Variants in NHEJ1 observed in about 807,000 individuals in gnomAD.
NHEJ1 encodes non-homologous end joining factor 1.
A neutral mutation model predicts 39.4 loss-of-function variants in NHEJ1; 22 were observed. The observed-to-expected ratio is 0.56, with a 90% CI of 0.40 to 0.80. The LOEUF (loss-of-function observed/expected upper bound fraction) is 0.80, where lower values mean the gene tolerates loss of function less well. Ranked by LOEUF, NHEJ1 falls within the 30% of genes least tolerant of loss-of-function variation. NHEJ1 has a pLI of 0.00. For synonymous variants in NHEJ1, 154 were observed against 135.6 expected (o/e 1.14, Z -0.94); for missense variants, 329 against 357.1 (o/e 0.92, Z 0.63).
chr2:219,110,843 C>T (rs1445200906), intron 5 of NHEJ1, among the ~76,000 whole-genome samples: 1 of 152,100 alleles, frequency 6.6e-6, no homozygotes, highest in Non-Finnish European at 1.5e-5. Context: ...GGATGGAGTC[C>T]ATATGCTACT....
chr2:219,157,799 G>A (rs2106369295), intron 2 of NHEJ1, 115 bp from the exon 3 acceptor site: 1 of 833,626 alleles, frequency 1.2e-6, no homozygotes, highest in East Asian at 2.6e-5. Context: ...GAGAGGAAGG[G>A]GAGAGAAGAT....
At chr2:219,093,968 C>T (rs1949183903) in intron 5 of NHEJ1, among the ~76,000 whole-genome samples, 3 of 152,186 alleles carry the variant, frequency 2.0e-5, no homozygotes, top group African/African-American at 7.2e-5. Flanking sequence ...GGCAAGGATT[C>T]TGAGGAGAGG....
intron 5 of NHEJ1, among the ~76,000 whole-genome samples, chr2:219,097,117 G>A (rs967152910): frequency 6.6e-6 from 1 of 152,150 alleles, no homozygotes; most frequent in African/African-American, 2.4e-5. Context: ...CCCAACAGAA[G>A]GCTAATATAA....
chr2:219,127,438 G>A (rs2106348889), intron 5 of NHEJ1, among the ~76,000 whole-genome samples: 1 of 152,186 alleles, frequency 6.6e-6, no homozygotes, highest in South Asian at 2.1e-4. Context: ...CTGTCCTATT[G>A]ACCTGGGATA....
chr2:219,118,735 C>A (rs904474391), intron 5 of NHEJ1, among the ~76,000 whole-genome samples: 1 of 152,228 alleles, frequency 6.6e-6, no homozygotes, highest in Middle Eastern at 3.4e-3. Context: ...CCCTTAAACC[C>A]GCCCCAGGGA....
intron 5 of NHEJ1, among the ~76,000 whole-genome samples, chr2:219,097,604 C>T (rs183099389): frequency 3.9e-5 from 6 of 152,210 alleles, no homozygotes. Context: ...AGATTTTTAA[C>T]CTGAGCAAGT....
intron 5 of NHEJ1, among the ~76,000 whole-genome samples, chr2:219,113,295 G>A (rs1574719712): frequency 6.6e-6 from 1 of 152,252 alleles, no homozygotes; most frequent in East Asian, 1.9e-4. Context: ...CACAGGGCAA[G>A]ATGATTTGCA....
At chr2:219,137,595 A>AAAAAAAAAAAAAAAT (rs143557047) in intron 5 of NHEJ1, among the ~76,000 whole-genome samples, 2 of 82,668 alleles carry the variant, frequency 2.4e-5, no homozygotes, top group East Asian at 2.6e-4. Flanking sequence ...AAAAAAAACA[A>AAAAAAAAAAAAAAAT]AAAAAACTGA....
intron 3 of NHEJ1, among the ~76,000 whole-genome samples, chr2:219,151,696 T>C (rs1406246872): frequency 6.6e-6 from 1 of 152,006 alleles, no homozygotes; most frequent in African/African-American, 2.4e-5. Flanking sequence ...AGAGACTAGA[T>C]AAAATGTGTA....
chr2:219,075,181 A>C lies in NHEJ1; in HGVS notation c.*1200T>G, dbSNP rs1260875964. ...TCACTTATTAGCTGTATGACCTTTGATAAGTCACTTACTCACTTCAGGATC... is the reference window on the plus strand; with the variant it reads ...TCACTTATTAGCTGTATGACCTTTGCTAAGTCACTTACTCACTTCAGGATC... On this transcript the variant is annotated 3_prime_UTR_variant, in exon 8 of 8. Coordinates refer to ENST00000356853, the MANE Select transcript of NHEJ1 (RefSeq NM_024782.3). 2.6e-5 allele frequency: 4 copies of C among 152,232 alleles called. No individual in the cohort carries two copies. The highest frequency in any genetic ancestry group is 9.7e-5 in the African/African-American group (4 of 41,448). 9.4% of individuals were successfully genotyped at this position (152,232 alleles called of 1,614,324 possible).
At chr2:219,099,459 A>C (rs150967485) in intron 5 of NHEJ1, among the ~76,000 whole-genome samples, 151 of 152,340 alleles carry the variant, frequency 9.9e-4, no homozygotes, top group African/African-American at 3.5e-3. Context: ...AGATAGGGCA[A>C]GAGTCAACAT....
At chr2:219,155,319 C>T (rs1406600444) in intron 3 of NHEJ1, among the ~76,000 whole-genome samples, 2 of 151,956 alleles carry the variant, frequency 1.3e-5, no homozygotes, top group Admixed American at 6.6e-5. Context: ...AATCCCAACA[C>T]CTTGGGAGGC....
intron 5 of NHEJ1, among the ~76,000 whole-genome samples, chr2:219,105,681 C>T (rs578230891): frequency 1.3e-3 from 201 of 152,286 alleles, no homozygotes; most frequent in Non-Finnish European, 2.4e-3. Flanking sequence ...GTCTTCCTAT[C>T]CTCTAATTAG....
chr2:219,092,395 TTTA>T (rs1465012844), intron 5 of NHEJ1, among the ~76,000 whole-genome samples: 1 of 152,230 alleles, frequency 6.6e-6, no homozygotes, highest in Non-Finnish European at 1.5e-5. Flanking sequence ...TATGAGCTTC[TTTA>T]TTAACACATT....
chr2:219,159,941 G>A (rs1274224336), intron 1 of NHEJ1, among the ~76,000 whole-genome samples: 2 of 152,100 alleles, frequency 1.3e-5, no homozygotes, highest in African/African-American at 2.4e-5. Context: ...TAAAGGGGGA[G>A]GAGTTTAAAA....
Position 219,073,190 on chromosome 2 carries a change from T to C in NHEJ1, c.*3191A>G, listed in dbSNP as rs1021749338. On this transcript the variant is annotated 3_prime_UTR_variant, in exon 8 of 8. Coordinates refer to ENST00000356853, the MANE Select transcript of NHEJ1 (RefSeq NM_024782.3). ...TTTGGTCTCAACAGGCTAGACTCTT[T>C]CCAGTTCAGAGCATAGAAGCACAGA... 6.6e-6 allele frequency among the ~76,000 whole-genome samples: 1 copy of C among 152,140 alleles called. No individual in the cohort carries two copies. Among genetic ancestry groups the C allele is most frequent in the African/African-American group, 2.4e-5 (1 of 41,418 alleles).
chr2:219,102,347 C>G (rs1481779510), intron 5 of NHEJ1: 2 of 152,186 alleles, frequency 1.3e-5, no homozygotes, highest in East Asian at 3.9e-4. Flanking sequence ...AGAAGATCAA[C>G]TCATTCTTGT....
intron 5 of NHEJ1, among the ~76,000 whole-genome samples, chr2:219,127,153 G>A (rs1309577673): frequency 6.6e-6 from 1 of 152,198 alleles, no homozygotes; most frequent in Non-Finnish European, 1.5e-5. Context: ...CCAGATTTAC[G>A]TTGATCAGCA....
At chr2:219,078,868 C>T (rs570378065) in intron 5 of NHEJ1, among the ~76,000 whole-genome samples, 6 of 152,224 alleles carry the variant, frequency 3.9e-5, no homozygotes, top group South Asian at 4.1e-4. Flanking sequence ...AAGTATAAAG[C>T]GTGCACACAC....
Sources: allele counts gnomAD v4.1 joint callset (sites outside exome capture counted in the v4.1 genomes callset), GRCh38; gene constraint gnomAD v4.1.1; transcripts MANE v1.5; gene names NCBI Gene and HGNC (gene_info 2026-07-23, HGNC 2026-07-21).